The following ATP6V0A1 variants were observed in gnomAD, a reference collection of about 807,000 sequenced individuals.
ATP6V0A1 encodes V-type proton ATPase 116 kDa subunit a 1.
A neutral mutation model predicts 105.4 loss-of-function variants in ATP6V0A1; 43 were observed. The observed-to-expected ratio is 0.41, with a 90% CI of 0.32 to 0.53. The LOEUF is 0.53. Among genes scored for constraint, ATP6V0A1 ranks in the 20% least tolerant of loss-of-function variants. The pLI, the probability that ATP6V0A1 is intolerant of heterozygous loss-of-function variation, is 0.30. For missense variants in ATP6V0A1, 676 were observed against 1,051.1 expected (o/e 0.64, Z 4.93); for synonymous variants, 362 against 372.8 (o/e 0.97, Z 0.33).
chr17:42,498,964 C>G lies in ATP6V0A1; in HGVS notation c.1601C>G (p.Ser534Cys). The change falls in exon 15 of 22, where the codon TCC becomes TGC. Residue 534 changes from serine to cysteine, a missense_variant. Around this residue, in one of 3 missense-constraint regions of ATP6V0A1, gnomAD observed 435 missense variants for 642.2 expected, o/e 0.68. Transcript: ENST00000343619. Reference protein sequence around the residue: ...IATNKLTFLNSFKMKMSVILG... With the variant: ...IATNKLTFLNCFKMKMSVILG... ...ACCAATAAACTGACGTTCTTGAACT[C>G]CTTTAAGATGAAGATGTCTGTTATC... 1 of 1,613,768 alleles carries G rather than the reference C, an allele frequency of 6.2e-7. No homozygotes were observed. Among genetic ancestry groups the G allele is most frequent in the Non-Finnish European group, 8.5e-7 (1 of 1,179,750 alleles).
chr17:42,506,717 C>CT (rs2092050962), intron 17 of ATP6V0A1, among the ~76,000 whole-genome samples: 3 of 152,102 alleles, frequency 2.0e-5, no homozygotes, highest in African/African-American at 7.2e-5. Flanking sequence ...CCCAAAGAGT[C>CT]TTTTTTGCTT....
At chr17:42,517,427 C>T (rs1298252394) in intron 21 of ATP6V0A1, among the ~76,000 whole-genome samples, 1 of 152,142 alleles carries the variant, frequency 6.6e-6, no homozygotes, top group Non-Finnish European at 1.5e-5. Context: ...CATCAGAATG[C>T]CCTCAGGTGC....
chr17:42,464,507 ATTC>A (rs2086805198), intron 2 of ATP6V0A1, among the ~76,000 whole-genome samples: 1 of 151,824 alleles, frequency 6.6e-6, no homozygotes, highest in Admixed American at 6.6e-5. Context: ...GGTTCAAGCA[ATTC>A]TTCTGCCTCA....
chr17:42,487,608 G>C (rs563924981), intron 10 of ATP6V0A1, among the ~76,000 whole-genome samples: 3 of 152,222 alleles, frequency 2.0e-5, no homozygotes, highest in Admixed American at 2.0e-4. Flanking sequence ...GGCGCCTGTA[G>C]TCCCAGCTAC....
intron 11 of ATP6V0A1, among the ~76,000 whole-genome samples, chr17:42,493,831 T>C (rs1283173479): frequency 6.6e-6 from 1 of 152,108 alleles, no homozygotes; most frequent in Non-Finnish European, 1.5e-5. Context: ...AAAAAAGTTA[T>C]CAGTAGCTCA....
intron 4 of ATP6V0A1, among the ~76,000 whole-genome samples, chr17:42,469,800 G>A (rs978580912): frequency 1.3e-5 from 2 of 152,100 alleles, no homozygotes; most frequent in South Asian, 2.1e-4. Flanking sequence ...GCGCCAGCAC[G>A]CCCAGCTAAT....
chr17:42,513,738 A>T, intron 19 of ATP6V0A1, 123 bp from the exon 20 acceptor site: 2 of 901,794 alleles, frequency 2.2e-6, no homozygotes, highest in South Asian at 3.0e-5. Context: ...TTGAGGTGCC[A>T]TCCATGGGAA....
chr17:42,461,170 G>A (rs952173492), intron 2 of ATP6V0A1, among the ~76,000 whole-genome samples, 159 bp downstream of exon 2: 5 of 152,150 alleles, frequency 3.3e-5, no homozygotes, highest in South Asian at 4.1e-4. Flanking sequence ...CTTTCTAAAG[G>A]TGAGAATGTT....
chr17:42,461,044 G>T (rs1237914847), intron 2 of ATP6V0A1, 33 bp downstream of exon 2: 9 of 1,548,858 alleles, frequency 5.8e-6, no homozygotes, highest in Non-Finnish European at 8.0e-6. Context: ...CTTGATTACT[G>T]CTGAACTCTA....
Position 42,460,833 on chromosome 17 carries a change from T to C in ATP6V0A1, c.-47-15T>C, listed in dbSNP as rs1455387741. 5 of 1,366,962 alleles carry C rather than the reference T, an allele frequency of 3.7e-6. No homozygotes were observed. Among genetic ancestry groups the C allele is most frequent in the Non-Finnish European group, 5.2e-6 (5 of 958,596 alleles). The allele number at this position is 1,366,962 out of a possible 1,614,324, so 84.7% of individuals were successfully genotyped here. On this transcript the variant is annotated splice_polypyrimidine_tract_variant and intron_variant, in intron 1 of 21. Transcript: ENST00000343619. ...TGGTAATTTCCAAAGTTATGTCATT[T>C]TCTCTTTGCTTCAGGTTGGAGAGAA...
At chr17:42,507,690 C>A in intron 18 of ATP6V0A1, 63 bp downstream of exon 18, 1 of 1,297,304 alleles carries the variant, frequency 7.7e-7, no homozygotes, top group South Asian at 1.2e-5. Flanking sequence ...TCTTGTGTAC[C>A]TAAGAGGCCT....
At chr17:42,474,788 GC>G (rs1476284978) in intron 5 of ATP6V0A1, among the ~76,000 whole-genome samples, 1 of 152,150 alleles carries the variant, frequency 6.6e-6, no homozygotes, top group African/African-American at 2.4e-5. Context: ...AGCAGAAATG[GC>G]TAAATCAGAA....
chr17:42,467,354 G>A (rs1598698565), intron 3 of ATP6V0A1, among the ~76,000 whole-genome samples: 1 of 152,100 alleles, frequency 6.6e-6, no homozygotes, highest in South Asian at 2.1e-4. Context: ...TTGAAGCCAG[G>A]TTGCTCTCTC....
At position 42,498,808 on chromosome 17, in the gene ATP6V0A1, A is replaced by G. The variant is rs1169344287; in HGVS notation, c.1561-116A>G. 9.1e-6 allele frequency: 6 copies of G among 660,180 alleles called. No homozygotes were observed. The African/African-American group carries it at 1.1e-4, about 12-fold the overall frequency. The allele number at this position is 660,180 out of a possible 1,614,324, so 40.9% of individuals were successfully genotyped here. A position where few individuals can be genotyped will look rare whatever the true frequency, so the allele number is the denominator to read the frequency against. On this transcript the variant is annotated intron_variant, in intron 14 of 21. Coordinates refer to ENST00000343619, the MANE Select transcript of ATP6V0A1 (RefSeq NM_001130021.3). ...GCCACTGCACTCCAGCCTGGGTGAC[A>G]GAGCGAGACTCGTCTCTAAATAAAT...
At chr17:42,500,681 A>G in intron 15 of ATP6V0A1, 26 bp from the exon 16 acceptor site, 1 of 1,581,242 alleles carries the variant, frequency 6.3e-7, no homozygotes, top group African/African-American at 1.3e-5. Flanking sequence ...ATTTACCCTT[A>G]ACATTTTTTT....
At chr17:42,497,875 T>C (rs2091326800) in intron 14 of ATP6V0A1, among the ~76,000 whole-genome samples, 1 of 137,046 alleles carries the variant, frequency 7.3e-6, no homozygotes, top group Non-Finnish European at 1.5e-5. Context: ...CACCTTGCAA[T>C]AGGCCGAGAT....
chr17:42,509,503 A>G (rs1257870774), intron 19 of ATP6V0A1, among the ~76,000 whole-genome samples: 1 of 152,152 alleles, frequency 6.6e-6, no homozygotes, highest in Non-Finnish European at 1.5e-5. Context: ...CTGTGTAAAC[A>G]CAGGTAGGGC....
rs138753905 is a variant in ATP6V0A1 at position 42,514,355 on chromosome 17, G to T, written c.2315G>T (p.Gly772Val). The change falls in exon 21 of 22, where the codon GGT (glycine) becomes GTT (valine). Residue 772 changes from glycine (G) to valine (V), a missense_variant. Gly to Val is a moderately radical substitution (Grantham distance 109). Coordinates refer to ENST00000343619, the MANE Select transcript of ATP6V0A1 (RefSeq NM_001130021.3). ...IGLSVKSLAG[G>V]LVLFFFFTAF... ...CTGAGCGTGAAGAGCTTGGCGGGAGGTTTGGTGCTGTTCTTCTTCTTCACT... is the reference window on the plus strand; with the variant it reads ...CTGAGCGTGAAGAGCTTGGCGGGAGTTTTGGTGCTGTTCTTCTTCTTCACT... The T allele has an allele frequency of 6.8e-6, 11 of 1,613,694 alleles. No homozygotes were observed. The highest frequency in any genetic ancestry group is 1.3e-5 in the African/African-American group (1 of 74,926).
intron 17 of ATP6V0A1, among the ~76,000 whole-genome samples, chr17:42,506,097 T>C (rs1277131564): frequency 1.3e-5 from 2 of 152,170 alleles, no homozygotes; most frequent in East Asian, 3.8e-4. Flanking sequence ...CCCTTATCCA[T>C]ATACCTTGCC....
Sources: gnomAD v4.1 joint callset for allele counts (sites outside exome capture counted in the v4.1 genomes callset) on GRCh38, gnomAD v4.1.1 for gene constraint, gnomAD v4.1.1 regional missense constraint, MANE v1.5 for transcripts, NCBI Gene and HGNC (gene_info 2026-07-23, HGNC 2026-07-21) for gene names.